Variants in PWWP2A observed in about 807,000 individuals in gnomAD.
The protein encoded by PWWP2A is PWWP domain containing 2A, also known as PWWP domain-containing protein 2A.
In PWWP2A, 18 loss-of-function variants were observed where a neutral mutation model predicts 48.5. The observed-to-expected ratio is 0.37, with a 90% confidence interval of 0.26 to 0.55. The LOEUF (loss-of-function observed/expected upper bound fraction) is 0.55. Ranked by LOEUF, PWWP2A falls within the 20% of genes least tolerant of loss-of-function variation. PWWP2A has a pLI of 0.81. For missense variants in PWWP2A, 867 were observed against 976.4 expected, an observed-to-expected ratio of 0.89 and a Z score of 1.49; for synonymous variants, 396 against 387.7, an observed-to-expected ratio of 1.02 and a Z score of -0.25.
the PWWP2A span, among the ~76,000 whole-genome samples, chr5:160,050,342 G>C: frequency 6.6e-6 from 1 of 151,724 alleles, no homozygotes; most frequent in African/African-American, 2.4e-5. Context: ...AGCTACTCGA[G>C]AGGCTGAGGC....
intron 1 of PWWP2A, among the ~76,000 whole-genome samples, chr5:160,107,237 G>A (rs1315201917): frequency 6.6e-6 from 1 of 152,186 alleles, no homozygotes; most frequent in East Asian, 1.9e-4. Context: ...AGAATCTTCT[G>A]TATCAGAATC....
exon 4 of PWWP2A, chr5:160,076,886 T>C (rs561164027): frequency 6.6e-6 from 1 of 152,328 alleles, no homozygotes; most frequent in South Asian, 2.1e-4. Context: ...GTAATCAATA[T>C]GGATTATCTT....
the PWWP2A span, among the ~76,000 whole-genome samples, chr5:160,053,431 G>A: frequency 3.3e-5 from 5 of 152,196 alleles, no homozygotes; most frequent in Admixed American, 1.3e-4. Flanking sequence ...AGGTGTGCTG[G>A]TGTGCACCTG....
In PWWP2A at chr5:160,091,748, G is replaced by A. The variant is rs78826400; in HGVS notation, c.*634C>T. 0.011 allele frequency: 10,706 copies of A among 984,854 alleles called. 58 individuals are homozygous for A. The highest frequency in any genetic ancestry group is 0.012 in the Non-Finnish European group (10,081 of 829,732). The allele number at this position is 984,854 out of a possible 1,614,324, so 61.0% of individuals were successfully genotyped here. On this transcript the variant is annotated 3_prime_UTR_variant, in exon 2 of 2. Transcript: ENST00000307063. The stretch of plus-strand genomic sequence containing the variant: ...TTGACAGTTTTAATCCCAAACACTG[G>A]GCTATTTCCCCAGTCTGTAACTGAA...
the PWWP2A span, chr5:160,051,034 A>G: frequency 3.5e-5 from 34 of 965,930 alleles, no homozygotes; most frequent in Admixed American, 9.8e-5. Context: ...TTATTTCCAC[A>G]TTAGGATTCT....
At chr5:160,110,323 G>A (rs975275280) in intron 1 of PWWP2A, among the ~76,000 whole-genome samples, 4 of 152,084 alleles carry the variant, frequency 2.6e-5, no homozygotes, top group Non-Finnish European at 4.4e-5. Context: ...AACAGTGACT[G>A]AATATTTGAT....
chr5:160,109,774 A>AAAAAATATAT (rs1554104831), intron 1 of PWWP2A, among the ~76,000 whole-genome samples: 2 of 25,226 alleles, frequency 7.9e-5, no homozygotes, highest in African/African-American at 1.5e-4. Context: ...AAAAAAAAAA[A>AAAAAATATAT]ATATATATAT....
chr5:160,082,387 T>G (rs1286220318), intron 2 of PWWP2A, among the ~76,000 whole-genome samples: 1 of 149,424 alleles, frequency 6.7e-6, no homozygotes, highest in Admixed American at 6.7e-5. Flanking sequence ...GAGCTTGCAG[T>G]GAGCCGAGAT....
chr5:160,044,558 A>C, the PWWP2A span, among the ~76,000 whole-genome samples: 1 of 152,200 alleles, frequency 6.6e-6, no homozygotes, highest in Non-Finnish European at 1.5e-5. Context: ...TGGCATTTGT[A>C]AACTATTGTG....
chr5:160,055,845 A>T, the PWWP2A span, among the ~76,000 whole-genome samples: 1 of 152,236 alleles, frequency 6.6e-6, no homozygotes, highest in African/African-American at 2.4e-5. Context: ...TTTGTGTTGT[A>T]GCTGCAGCAG....
chr5:160,073,101 T>C (rs1753783037), downstream of PWWP2A, among the ~76,000 whole-genome samples: 1 of 151,928 alleles, frequency 6.6e-6, no homozygotes, highest in Admixed American at 6.6e-5. Context: ...GAGATGGATT[T>C]CTACACCTCA....
At chr5:160,086,529 T>A (rs1031245916), downstream of PWWP2A, among the ~76,000 whole-genome samples, 1 of 151,994 alleles carries the variant, frequency 6.6e-6, no homozygotes, top group African/African-American at 2.4e-5. Context: ...TAAATAAATA[T>A]ATATATATAT....
the PWWP2A span, among the ~76,000 whole-genome samples, chr5:160,046,261 C>A: frequency 6.6e-6 from 1 of 152,172 alleles, no homozygotes; most frequent in Non-Finnish European, 1.5e-5. Flanking sequence ...TCATCTTGCT[C>A]AATTTAGTCG....
downstream of PWWP2A, among the ~76,000 whole-genome samples, chr5:160,058,524 C>G (rs533330086): frequency 6.6e-6 from 1 of 151,564 alleles, no homozygotes; most frequent in African/African-American, 2.4e-5. Context: ...CATTCTCCTG[C>G]CTCAGCCTCC....
At chr5:160,075,388 G>A (rs1753844071), downstream of PWWP2A, among the ~76,000 whole-genome samples, 1 of 152,126 alleles carries the variant, frequency 6.6e-6, no homozygotes, top group African/African-American at 2.4e-5. Context: ...CTAAGTTTCT[G>A]GGTCAGTCCT....
the PWWP2A span, among the ~76,000 whole-genome samples, chr5:160,044,488 C>A: frequency 1.3e-5 from 2 of 152,206 alleles, no homozygotes. Flanking sequence ...GCAGAGATTT[C>A]CCAGAACTGA....
At chr5:160,051,842 C>T in the PWWP2A span, among the ~76,000 whole-genome samples, 3 of 152,200 alleles carry the variant, frequency 2.0e-5, no homozygotes, top group East Asian at 1.9e-4. Context: ...TCTGATATTT[C>T]GCTGGTGAAG....
At chr5:160,107,123 G>A (rs954808965) in intron 1 of PWWP2A, among the ~76,000 whole-genome samples, 10 of 152,008 alleles carry the variant, frequency 6.6e-5, no homozygotes, top group African/African-American at 2.4e-4. Flanking sequence ...CACCGTGACC[G>A]GCCTTAACCG....
chr5:160,089,464 G>A, downstream of PWWP2A: 1 of 1,075,470 alleles, frequency 9.3e-7, no homozygotes. Flanking sequence ...ATCCCACCTT[G>A]GCCTTCCAAA....
Sources: allele counts gnomAD v4.1 joint callset (sites outside exome capture counted in the v4.1 genomes callset), GRCh38; gene constraint gnomAD v4.1.1; transcripts MANE v1.5; gene names NCBI Gene and HGNC (gene_info 2026-07-23, HGNC 2026-07-21).